SPIDR: variants seen among roughly 807,000 people sequenced by gnomAD.
SPIDR encodes the protein DNA repair-scaffolding protein.
A neutral mutation model predicts 104.6 loss-of-function variants in SPIDR; 93 were observed. The ratio of observed to expected loss-of-function variants is 0.89; its 90% CI spans 0.75 to 1.06. The LOEUF (loss-of-function observed/expected upper bound fraction) is 1.06. Among genes scored for constraint, SPIDR ranks in the 50% least tolerant of loss-of-function variants. The pLI is 0.00. For synonymous variants in SPIDR, 431 were observed against 416.9 expected, an observed-to-expected ratio of 1.03 and a Z score of -0.41; for missense variants, 1,154 against 1,111.2, an observed-to-expected ratio of 1.04 and a Z score of -0.55.
chr8:47,350,910 A>C (rs2053386009), intron 5 of SPIDR, among the ~76,000 whole-genome samples: 1 of 152,206 alleles, frequency 6.6e-6, no homozygotes, highest in African/African-American at 2.4e-5. Flanking sequence ...GATTAATTTT[A>C]GAGCACACCC....
At chr8:47,554,706 G>A (rs952046708) in intron 8 of SPIDR, among the ~76,000 whole-genome samples, 1 of 152,174 alleles carries the variant, frequency 6.6e-6, no homozygotes, top group Non-Finnish European at 1.5e-5. Context: ...TCCCGGGTGA[G>A]GCAGTGCCCC....
chr8:47,649,409 C>G (rs1220388739), intron 10 of SPIDR, among the ~76,000 whole-genome samples: 1 of 152,118 alleles, frequency 6.6e-6, no homozygotes, highest in Non-Finnish European at 1.5e-5. Context: ...CTGTTTCCTT[C>G]CAAAATGTCA....
intron 8 of SPIDR, among the ~76,000 whole-genome samples, chr8:47,462,045 A>C (rs1554713872): frequency 6.6e-6 from 1 of 152,012 alleles, no homozygotes; most frequent in Non-Finnish European, 1.5e-5. Flanking sequence ...TGCGTAGGCT[A>C]TGTCAGAGGG....
chr8:47,385,697 A>AT (rs571449973), intron 5 of SPIDR, among the ~76,000 whole-genome samples: 1 of 151,888 alleles, frequency 6.6e-6, no homozygotes, highest in African/African-American at 2.4e-5. Flanking sequence ...TATTTTGCTC[A>AT]TTTTTTCCAT....
intron 8 of SPIDR, chr8:47,511,613 G>C (rs911153099): frequency 1.3e-6 from 1 of 789,056 alleles, no homozygotes; most frequent in East Asian, 2.4e-5. Flanking sequence ...TGAACATCTT[G>C]GTTGGAATGA....
rs201577053 is a variant in SPIDR at position 47,673,956 on chromosome 8, G to T, written c.1685+15G>T. On this transcript the variant is annotated intron_variant, in intron 11 of 19. Coordinates refer to ENST00000297423, the MANE Select transcript of SPIDR (RefSeq NM_001080394.4). The stretch of plus-strand genomic sequence containing the variant: ...ACCAGAGGAAGGTGAGAACGTGCAG[G>T]AATGGCATCCAATTTGCTACAATTG... 5 of 1,607,900 alleles carry T rather than the reference G, an allele frequency of 3.1e-6. No homozygotes were observed.
chr8:47,611,050 G>T (rs756385154), intron 10 of SPIDR, among the ~76,000 whole-genome samples: 54 of 152,350 alleles, frequency 3.5e-4, no homozygotes, highest in Middle Eastern at 3.4e-3. Context: ...CACCCAGCAA[G>T]TATGGGTTGA....
At chr8:47,337,177 G>C (rs1304969822) in intron 5 of SPIDR, among the ~76,000 whole-genome samples, 2 of 152,120 alleles carry the variant, frequency 1.3e-5, no homozygotes, top group African/African-American at 4.8e-5. Context: ...ACCCAGGCTG[G>C]AGTGCAGGGG....
At chr8:47,721,711 G>A (rs553172861) in intron 16 of SPIDR, among the ~76,000 whole-genome samples, 5 of 152,026 alleles carry the variant, frequency 3.3e-5, no homozygotes, top group Non-Finnish European at 5.9e-5. Flanking sequence ...TCCTGACCTC[G>A]TGATCCACCC....
intron 8 of SPIDR, among the ~76,000 whole-genome samples, chr8:47,499,843 C>T (rs1472937363): frequency 6.6e-6 from 1 of 151,770 alleles, no homozygotes; most frequent in African/African-American, 2.4e-5. Context: ...CTTCCTGTGT[C>T]CATGTGTTCT....
At chr8:47,495,470 C>G in intron 8 of SPIDR, among the ~76,000 whole-genome samples, 1 of 151,982 alleles carries the variant, frequency 6.6e-6, no homozygotes, top group Non-Finnish European at 1.5e-5. Flanking sequence ...TATATACTCA[C>G]AGAGTTGTAC....
intron 8 of SPIDR, among the ~76,000 whole-genome samples, chr8:47,476,798 C>T (rs1349716368): frequency 2.0e-5 from 3 of 152,220 alleles, no homozygotes; most frequent in Admixed American, 6.5e-5. Flanking sequence ...CAGCAGGCTG[C>T]GTTAAAGTAG....
intron 16 of SPIDR, among the ~76,000 whole-genome samples, chr8:47,717,642 A>G (rs2082761324): frequency 6.6e-6 from 1 of 152,210 alleles, no homozygotes; most frequent in South Asian, 2.1e-4. Flanking sequence ...GACTTAGTGC[A>G]GTGACCTCCC....
chr8:47,476,754 T>C (rs1336998509), intron 8 of SPIDR, among the ~76,000 whole-genome samples: 1 of 152,242 alleles, frequency 6.6e-6, no homozygotes, highest in African/African-American at 2.4e-5. Context: ...AATACCAGGA[T>C]TCACAGAATG....
At chr8:47,458,548 A>G (rs1304756192) in intron 8 of SPIDR, among the ~76,000 whole-genome samples, 15 of 151,532 alleles carry the variant, frequency 9.9e-5, no homozygotes, top group Admixed American at 9.2e-4. Flanking sequence ...AGGAGTCTTT[A>G]GGGTTTTCTA....
intron 5 of SPIDR, among the ~76,000 whole-genome samples, chr8:47,373,112 C>T (rs2058233506): frequency 6.6e-6 from 1 of 152,106 alleles, no homozygotes; most frequent in African/African-American, 2.4e-5. Context: ...GAATGTATTC[C>T]TGGAATGATA....
At chr8:47,419,816 G>A (rs1554678532) in intron 7 of SPIDR, among the ~76,000 whole-genome samples, 1 of 151,950 alleles carries the variant, frequency 6.6e-6, no homozygotes, top group Non-Finnish European at 1.5e-5. Context: ...CCGGTATGTT[G>A]CGTCTTTGTT....
intron 8 of SPIDR, chr8:47,547,299 A>T: frequency 1.8e-6 from 1 of 571,106 alleles, no homozygotes. Flanking sequence ...TGAGACGAAA[A>T]TTCTCTCCCA....
At chr8:47,305,842 G>A (rs1387834784) in intron 5 of SPIDR, among the ~76,000 whole-genome samples, 3 of 151,788 alleles carry the variant, frequency 2.0e-5, no homozygotes, top group Non-Finnish European at 4.4e-5. Context: ...TTACTATTTT[G>A]ACCATTTTAA....
Sources: gnomAD v4.1 joint callset for allele counts (sites outside exome capture counted in the v4.1 genomes callset) on GRCh38, gnomAD v4.1.1 for gene constraint, MANE v1.5 for transcripts, NCBI Gene and HGNC (gene_info 2026-07-23, HGNC 2026-07-21) for gene names.